Variants in UBAP2 observed in about 807,000 individuals in gnomAD.
UBAP2 encodes the protein ubiquitin associated protein 2.
UBAP2 carries 75 observed loss-of-function variants against 139.6 expected under a neutral mutation model. The observed-to-expected ratio is 0.54, with a 90% CI of 0.45 to 0.65. The LOEUF (loss-of-function observed/expected upper bound fraction) is 0.65. UBAP2 is among the 30% of genes least tolerant of loss of function. The pLI is 0.00. For missense variants in UBAP2, 1,368 were observed against 1,369.6 expected (o/e 1.00, Z 0.02); for synonymous variants, 526 against 526.2 (o/e 1.00, Z 0.01).
intron 9 of UBAP2, among the ~76,000 whole-genome samples, chr9:33,961,881 A>C (rs1827073603): frequency 6.6e-6 from 1 of 152,226 alleles, no homozygotes; most frequent in Non-Finnish European, 1.5e-5. Flanking sequence ...TGTTTCCTAG[A>C]AAAAGAGTCC....
In UBAP2 at chr9:33,944,482, A is replaced by G; in HGVS notation, c.1428T>C (p.Thr476=). The G allele has an allele frequency of 1.2e-6, 2 of 1,614,158 alleles. No homozygotes were observed. Among genetic ancestry groups the G allele is most frequent in the Non-Finnish European group, 1.7e-6 (2 of 1,180,034 alleles). ...TGGGAAGCTGCAAAAGCTTGTTCAC[A>G]GTGGAGGGACTGTCTCCAGGTGTTG... ...RESTPGDSPS[T]VNKLLQLPST... Residue 476 remains threonine, a synonymous_variant, in exon 14 of 29, where the codon ACT becomes ACC. Transcript: ENST00000379238.
In UBAP2 at chr9:34,045,746, A is replaced by C. The variant is rs116080596; in HGVS notation, c.-42+3079T>G. Reference sequence around the variant, plus strand: ...AGTAAACTCAGCAGGAAATATCAGCATAAGTGGTTTACATTAAAATTGTAA... The same window carrying C: ...AGTAAACTCAGCAGGAAATATCAGCCTAAGTGGTTTACATTAAAATTGTAA... On this transcript the variant is annotated intron_variant, in intron 1 of 28. Transcript: ENST00000379238. Among the ~76,000 whole-genome samples, 287 of 152,312 alleles carry C rather than the reference A, an allele frequency of 1.9e-3. 1 individual carries two copies. The highest frequency in any genetic ancestry group is 6.6e-3 in the African/African-American group (276 of 41,578).
chr9:33,982,804 A>G (rs1820878579), intron 6 of UBAP2, among the ~76,000 whole-genome samples: 1 of 152,292 alleles, frequency 6.6e-6, no homozygotes, highest in South Asian at 2.1e-4. Context: ...CCTCAAAGTA[A>G]TAACAGTACC....
chr9:33,975,930 T>C (rs1243764515), intron 6 of UBAP2, among the ~76,000 whole-genome samples: 2 of 151,710 alleles, frequency 1.3e-5, no homozygotes, highest in African/African-American at 2.4e-5. Context: ...ATACAACAAA[T>C]TGAGGCCTGA....
intron 12 of UBAP2, among the ~76,000 whole-genome samples, chr9:33,950,789 G>C (rs768541371): frequency 2.0e-5 from 3 of 152,152 alleles, no homozygotes; most frequent in Non-Finnish European, 2.9e-5. Context: ...CGAAATCACT[G>C]AATCAATGAC....
intron 2 of UBAP2, among the ~76,000 whole-genome samples, chr9:34,016,195 A>AAGGAAGAGGAGGAATAGG (rs1340686608): frequency 3.0e-5 from 2 of 66,050 alleles, no homozygotes; most frequent in African/African-American, 7.5e-5. Context: ...GGAGGAATAG[A>AAGGAAGAGGAGGAATAGG]AGGAAGAGGA....
At chr9:33,974,506 C>CAA (rs1434653075) in intron 6 of UBAP2, among the ~76,000 whole-genome samples, 1 of 151,906 alleles carries the variant, frequency 6.6e-6, no homozygotes, top group Non-Finnish European at 1.5e-5. Context: ...GACCATTTCT[C>CAA]AAAAACAAAC....
intron 19 of UBAP2, among the ~76,000 whole-genome samples, chr9:33,929,672 C>T (rs1047493890): frequency 6.6e-6 from 1 of 152,216 alleles, no homozygotes; most frequent in African/African-American, 2.4e-5. Flanking sequence ...GAAATAGAGA[C>T]CAAAGACCTG....
intron 6 of UBAP2, 150 bp downstream of exon 6, chr9:33,986,610 T>C (rs1449281911): frequency 4.1e-6 from 3 of 734,242 alleles, no homozygotes; most frequent in Non-Finnish European, 7.1e-6. Flanking sequence ...AAATAGTTCA[T>C]TTACAGGCAT....
intron 6 of UBAP2, among the ~76,000 whole-genome samples, chr9:33,977,944 G>A (rs1448803282): frequency 1.3e-5 from 2 of 150,098 alleles, no homozygotes; most frequent in Non-Finnish European, 3.0e-5. Flanking sequence ...GAACCCGGGA[G>A]GCAGAGGTTG....
chr9:34,030,403 C>G (rs182925386), intron 1 of UBAP2, among the ~76,000 whole-genome samples: 31 of 150,550 alleles, frequency 2.1e-4, no homozygotes, highest in East Asian at 1.2e-3. Flanking sequence ...GAGCCGAGAT[C>G]GCGCCACTGC....
chr9:34,042,535 C>T (rs1827192143), intron 1 of UBAP2, among the ~76,000 whole-genome samples: 2 of 151,214 alleles, frequency 1.3e-5, no homozygotes, highest in African/African-American at 2.4e-5. Flanking sequence ...TACCTATAAT[C>T]CCAGGACTCT....
In UBAP2 at chr9:33,980,220, CTTTTTTTTTTTTTTTTTTTTTTT is replaced by C. The variant is rs1173781682; in HGVS notation, c.520+6517_520+6539del. On this transcript the variant is annotated intron_variant, in intron 6 of 28. Transcript: ENST00000379238. The stretch of plus-strand genomic sequence containing the variant: ...TTAATCCAAATCCTGAGTGTCATTT[CTTTTTTTTTTTTTTTTTTTTTTT>C]TTTTTTTGAGACGGAGTCTTGCTCT... Among the ~76,000 whole-genome samples, 91 of 49,144 alleles carry C rather than the reference CTTTTTTTTTTTTTTTTTTTTTTT, an allele frequency of 1.9e-3. 1 individual carries two copies. Among genetic ancestry groups the C allele is most frequent in the African/African-American group, 6.8e-3 (87 of 12,708 alleles). The allele number at this position is 49,144 out of a possible 152,430, so 32.2% of individuals were successfully genotyped here.
chr9:33,961,714 T>G (rs1014969894), intron 9 of UBAP2, among the ~76,000 whole-genome samples: 1 of 152,190 alleles, frequency 6.6e-6, no homozygotes, highest in Non-Finnish European at 1.5e-5. Context: ...GTTAATCATC[T>G]GACAAACAAA....
intron 4 of UBAP2, among the ~76,000 whole-genome samples, chr9:33,992,933 C>T (rs1010337637): frequency 1.3e-5 from 2 of 152,170 alleles, no homozygotes; most frequent in East Asian, 1.9e-4. Flanking sequence ...CAGCAGTCTT[C>T]GAAGCCAGCT....
intron 20 of UBAP2, 140 bp from the exon 21 acceptor site, chr9:33,927,220 T>C (rs977381400): frequency 1.6e-6 from 1 of 637,144 alleles, no homozygotes; most frequent in Non-Finnish European, 2.7e-6. Context: ...AGGCAGAGGG[T>C]CATTCTACAA....
At position 33,943,599 on chromosome 9, in the gene UBAP2, C is replaced by T; in HGVS notation, c.1546-10G>A. On this transcript the variant is annotated splice_polypyrimidine_tract_variant and intron_variant, in intron 14 of 28. Transcript: ENST00000379238. ...CTGCAGAAGCTGGGATCTGAAAAAG[C>T]AAAGCTGTCGTGTCAGGAACAGAGG... 1 of 1,613,678 alleles carries T rather than the reference C, an allele frequency of 6.2e-7. No homozygotes were observed. The highest frequency in any genetic ancestry group is 8.5e-7 in the Non-Finnish European group (1 of 1,179,826).
At chr9:33,999,205 G>A (rs1244086760) in intron 2 of UBAP2, among the ~76,000 whole-genome samples, 1 of 151,960 alleles carries the variant, frequency 6.6e-6, no homozygotes, top group Non-Finnish European at 1.5e-5. Context: ...AAATCTTGGC[G>A]GGGCATGGTG....
intron 1 of UBAP2, among the ~76,000 whole-genome samples, chr9:34,027,359 T>C (rs1048351082): frequency 6.6e-6 from 1 of 152,110 alleles, no homozygotes; most frequent in African/African-American, 2.4e-5. Context: ...CGCATGCCTG[T>C]AATCCCAGCA....
Sources: allele counts gnomAD v4.1 joint callset (sites outside exome capture counted in the v4.1 genomes callset), GRCh38; gene constraint gnomAD v4.1.1; transcripts MANE v1.5; gene names NCBI Gene and HGNC (gene_info 2026-07-23, HGNC 2026-07-21).